Variants in MYO5A observed in about 807,000 individuals in gnomAD.
The protein encoded by MYO5A is myosin VA.
MYO5A carries 98 observed loss-of-function variants against 249.7 expected under a neutral mutation model. The ratio of observed to expected loss-of-function variants is 0.39; its 90% CI spans 0.33 to 0.46. The LOEUF is 0.46. MYO5A is among the 20% of genes least tolerant of loss of function. The pLI is 0.98. For missense variants in MYO5A, 1,696 were observed against 2,308.8 expected (o/e 0.73, Z 5.44); for synonymous variants, 778 against 810.6 (o/e 0.96, Z 0.68).
chr15:52,441,599 C>T (rs148449321), intron 1 of MYO5A, among the ~76,000 whole-genome samples: 130 of 152,360 alleles, frequency 8.5e-4, no homozygotes, highest in African/African-American at 3.0e-3. Context: ...TTTCCTCCAT[C>T]TGAAACACAA....
At position 52,341,541 on chromosome 15, in the gene MYO5A, A is replaced by G. The variant is rs572167215; in HGVS notation, c.4041-1147T>C. 9.2e-5 allele frequency among the ~76,000 whole-genome samples: 14 copies of G among 152,362 alleles called. 1 individual carries two copies. In the East Asian group the frequency reaches 2.7e-3, roughly 29 times the overall value. ...GTCACTCTCTTCCAAATGCAAAGTTATGGTTAAGAACTAACTAATGTGAAG... is the reference window on the plus strand; with the variant it reads ...GTCACTCTCTTCCAAATGCAAAGTTGTGGTTAAGAACTAACTAATGTGAAG... On this transcript the variant is annotated intron_variant, in intron 31 of 41. Coordinates refer to ENST00000399233, the MANE Select transcript of MYO5A (RefSeq NM_001382347.1).
chr15:52,337,754 C>A, intron 33 of MYO5A, 56 bp downstream of exon 33: 2 of 1,314,588 alleles, frequency 1.5e-6, no homozygotes, highest in Non-Finnish European at 2.1e-6. Context: ...TCTTCAGTTA[C>A]AGAGGGCTAT....
intron 1 of MYO5A, among the ~76,000 whole-genome samples, chr15:52,440,271 T>C (rs996643657): frequency 2.1e-5 from 3 of 143,024 alleles, no homozygotes; most frequent in East Asian, 2.0e-4. Context: ...TTTTTCTTTT[T>C]CTTTTTTTTT....
At chr15:52,507,728 T>C (rs1404857595) in intron 1 of MYO5A, among the ~76,000 whole-genome samples, 1 of 146,636 alleles carries the variant, frequency 6.8e-6, no homozygotes, top group African/African-American at 2.6e-5. Context: ...CACTTGAGCC[T>C]GAGAGGTCGA....
rs1192542114 is a variant in MYO5A at position 52,512,697 on chromosome 15, TCCC to T, written c.27+16080_27+16082del. 1.1e-3 allele frequency among the ~76,000 whole-genome samples: 161 copies of T among 152,306 alleles called. 1 individual carries two copies. Among genetic ancestry groups the T allele is most frequent in the African/African-American group, 3.8e-3 (159 of 41,572 alleles). On this transcript the variant is annotated intron_variant, in intron 1 of 41. Transcript: ENST00000399233. ...ATAGTTTATTTTAAAGGAAAAGAGT[TCCC>T]AAGTAATTTTGTGAGTGATTTCCTA... is the stretch of plus-strand genomic sequence containing the variant.
chr15:52,466,081 G>A (rs1019026896), intron 1 of MYO5A, among the ~76,000 whole-genome samples: 8 of 152,088 alleles, frequency 5.3e-5, no homozygotes, highest in Admixed American at 2.0e-4. Flanking sequence ...TCTAACATGC[G>A]GAGCAGCCAG....
chr15:52,406,206 G>C (rs1201498000), intron 8 of MYO5A, among the ~76,000 whole-genome samples: 1 of 152,096 alleles, frequency 6.6e-6, no homozygotes, highest in Non-Finnish European at 1.5e-5. Context: ...ATCTTAGAAA[G>C]GGTAATTCAG....
intron 1 of MYO5A, among the ~76,000 whole-genome samples, chr15:52,508,383 G>GA (rs1432121093): frequency 0.055 from 5,425 of 98,976 alleles, 321 homozygotes; most frequent in African/African-American, 0.17. Context: ...GTTTTATAAG[G>GA]AAAAAAAAAA....
intron 1 of MYO5A, among the ~76,000 whole-genome samples, chr15:52,462,414 CA>C (rs934523353): frequency 3.3e-5 from 5 of 151,814 alleles, no homozygotes; most frequent in East Asian, 3.8e-4. Flanking sequence ...TACTAAGTAC[CA>C]AAAAGATCAC....
chr15:52,451,732 G>T (rs974986084), intron 1 of MYO5A, among the ~76,000 whole-genome samples: 2 of 152,106 alleles, frequency 1.3e-5, no homozygotes, highest in African/African-American at 4.8e-5. Flanking sequence ...GGAATCCCTA[G>T]TTCACTTGTT....
chr15:52,351,328 G>A lies in MYO5A; in HGVS notation c.3775C>T (p.Leu1259Phe). ...MEQLTSVSEE[L>F]DVRKEEVLIL... is the part of the protein sequence containing the mutation. ...AGGACTTCCTCCTTGCGGACATCAA[G>A]CTCCTCGCTCACAGAGGTCAGCTGC... Residue 1259 changes from leucine (L) to phenylalanine (F), a missense_variant, in exon 28 of 42, where the codon CTT becomes TTT. Coordinates refer to ENST00000399233, the MANE Select transcript of MYO5A (RefSeq NM_001382347.1). 6.2e-7 allele frequency: 1 copy of A among 1,614,178 alleles called. No homozygotes were observed. Among genetic ancestry groups the A allele is most frequent in the Non-Finnish European group, 8.5e-7 (1 of 1,180,030 alleles).
At chr15:52,332,139 A>G (rs559909446) in intron 34 of MYO5A, among the ~76,000 whole-genome samples, 1 of 152,370 alleles carries the variant, frequency 6.6e-6, no homozygotes, top group South Asian at 2.1e-4. Context: ...GTAACTTTTA[A>G]GCCGCATGTA....
intron 20 of MYO5A, among the ~76,000 whole-genome samples, chr15:52,373,754 T>G (rs1053290637): frequency 3.9e-5 from 6 of 152,146 alleles, no homozygotes; most frequent in African/African-American, 1.4e-4. Flanking sequence ...GGAAGGTAAC[T>G]AGTTTGGTGT....
At chr15:52,369,323 A>T (rs893590617) in intron 22 of MYO5A, among the ~76,000 whole-genome samples, 1 of 152,226 alleles carries the variant, frequency 6.6e-6, no homozygotes, top group Non-Finnish European at 1.5e-5. Context: ...CTCTGTTTTC[A>T]TTTAAAGATG....
intron 33 of MYO5A, among the ~76,000 whole-genome samples, chr15:52,337,111 G>C (rs2140978170): frequency 6.6e-6 from 1 of 152,302 alleles, no homozygotes; most frequent in East Asian, 1.9e-4. Flanking sequence ...AGGATAAAGA[G>C]TGGTCTGCTT....
chr15:52,494,411 T>C (rs2076997119), intron 1 of MYO5A, among the ~76,000 whole-genome samples: 1 of 152,198 alleles, frequency 6.6e-6, no homozygotes, highest in African/African-American at 2.4e-5. Context: ...TAGTATTGGG[T>C]TACAAATATA....
At chr15:52,487,548 A>G (rs1004097820) in intron 1 of MYO5A, among the ~76,000 whole-genome samples, 1 of 152,098 alleles carries the variant, frequency 6.6e-6, no homozygotes, top group African/African-American at 2.4e-5. Context: ...ACATGGTGAA[A>G]CCCCGTCTCT....
At chr15:52,340,652 A>G (rs767234952) in intron 31 of MYO5A, among the ~76,000 whole-genome samples, 1 of 152,168 alleles carries the variant, frequency 6.6e-6, no homozygotes, top group Non-Finnish European at 1.5e-5. Context: ...GTTCTCTTGA[A>G]AGGTTCATAG....
chr15:52,523,864 A>C (rs563777690), intron 1 of MYO5A, among the ~76,000 whole-genome samples: 2 of 151,136 alleles, frequency 1.3e-5, no homozygotes. Flanking sequence ...GCACATGATC[A>C]GAGATGAGAT....
Sources: allele counts gnomAD v4.1 joint callset (sites outside exome capture counted in the v4.1 genomes callset), GRCh38; gene constraint gnomAD v4.1.1; transcripts MANE v1.5; gene names NCBI Gene and HGNC (gene_info 2026-07-23, HGNC 2026-07-21).